The following SOS1 variants were observed in gnomAD, a reference collection of about 807,000 sequenced individuals.
SOS1 encodes SOS Ras/Rac guanine nucleotide exchange factor 1, also known as son of sevenless homolog 1.
Under a neutral mutation model 157.6 loss-of-function variants are expected in SOS1, and 25 were observed. The observed-to-expected ratio is 0.16, with a 90% CI of 0.12 to 0.22. The LOEUF (loss-of-function observed/expected upper bound fraction) is 0.22, where lower values mean the gene tolerates loss of function less well. Ranked by LOEUF, SOS1 falls within the 10% of genes least tolerant of loss-of-function variation. SOS1 has a pLI of 1.00. For synonymous variants in SOS1, 528 were observed against 534.0 expected, an observed-to-expected ratio of 0.99 and a Z score of 0.16; for missense variants, 1,237 against 1,599.1, an observed-to-expected ratio of 0.77 and a Z score of 3.86.
chr2:39,028,126 C>T (rs1196031056), intron 8 of SOS1, among the ~76,000 whole-genome samples: 1 of 152,088 alleles, frequency 6.6e-6, no homozygotes, highest in Non-Finnish European at 1.5e-5. Flanking sequence ...TATTTTAAAG[C>T]AGAATGAAAA....
intron 8 of SOS1, among the ~76,000 whole-genome samples, chr2:39,033,522 T>A (rs557852524): frequency 6.6e-6 from 1 of 152,078 alleles, no homozygotes; most frequent in African/African-American, 2.4e-5. Flanking sequence ...TGGGTTCATT[T>A]GGAGGGGAAG....
chr2:39,007,818 C>T (rs1045002359), intron 15 of SOS1, among the ~76,000 whole-genome samples: 17 of 152,116 alleles, frequency 1.1e-4, no homozygotes, highest in African/African-American at 3.9e-4. Context: ...AACACACATA[C>T]ACACAAACAC....
At chr2:39,092,438 G>C (rs1220270386) in intron 1 of SOS1, among the ~76,000 whole-genome samples, 1 of 152,156 alleles carries the variant, frequency 6.6e-6, no homozygotes, top group Non-Finnish European at 1.5e-5. Context: ...CCTCCTCAGA[G>C]AGGCTGTCCT....
intron 1 of SOS1, among the ~76,000 whole-genome samples, chr2:39,074,738 G>T (rs958092525): frequency 3.3e-5 from 5 of 151,534 alleles, no homozygotes; most frequent in Non-Finnish European, 5.9e-5. Context: ...ATGGTGGCAC[G>T]TGCCTGTAAT....
chr2:39,019,161 C>T (rs1031584601), intron 10 of SOS1, among the ~76,000 whole-genome samples: 1 of 151,718 alleles, frequency 6.6e-6, no homozygotes, highest in Admixed American at 6.6e-5. Flanking sequence ...GAGAAATTCC[C>T]AGGCAAGGGA....
Position 38,982,273 on chromosome 2 carries a change from TTTG to T in SOS1, c.*3548_*3550del, listed in dbSNP as rs1668422969. On this transcript the variant is annotated 3_prime_UTR_variant, in exon 23 of 23. Coordinates refer to ENST00000402219, the MANE Select transcript of SOS1 (RefSeq NM_005633.4). Reference sequence around the variant, plus strand: ...ATTTACTAAACAAGTTACAAGTGCTTTTGTTGTTTAGATTTATAATATAGACTT... The same window carrying T: ...ATTTACTAAACAAGTTACAAGTGCTTTTGTTTAGATTTATAATATAGACTT... 6.6e-6 allele frequency: 1 copy of T among 152,300 alleles called. No individual in the cohort carries two copies. Among genetic ancestry groups the T allele is most frequent in the African/African-American group, 2.4e-5 (1 of 41,572 alleles). 9.4% of individuals were successfully genotyped at this position (152,300 alleles called of 1,614,324 possible).
At chr2:39,032,549 G>A (rs1670198950) in intron 8 of SOS1, among the ~76,000 whole-genome samples, 1 of 152,190 alleles carries the variant, frequency 6.6e-6, no homozygotes, top group African/African-American at 2.4e-5. Flanking sequence ...GCCAGACACT[G>A]TAATAGGTAT....
chr2:38,994,784 G>C (rs1308604052), intron 20 of SOS1, among the ~76,000 whole-genome samples: 1 of 152,086 alleles, frequency 6.6e-6, no homozygotes, highest in Non-Finnish European at 1.5e-5. Context: ...TGAAACATGG[G>C]ACTAAAATTA....
At chr2:39,002,261 G>GT (rs1443297106) in intron 17 of SOS1, among the ~76,000 whole-genome samples, 1 of 152,050 alleles carries the variant, frequency 6.6e-6, no homozygotes, top group African/African-American at 2.4e-5. Context: ...GGAGGCAGAG[G>GT]TTGCAGTGAG....
Position 39,046,356 on chromosome 2 carries a change from G to C in SOS1, c.864+4788C>G, listed in dbSNP as rs143265664. 3.3e-5 allele frequency among the ~76,000 whole-genome samples: 5 copies of C among 152,018 alleles called. No homozygotes were observed. The East Asian group carries it at 7.7e-4, about 24-fold the overall frequency. Reference sequence around the variant, plus strand: ...GTCCACTTTACATACTGTATATTTTGTTACTAATACATAGAAATATAGTTT... The same window carrying C: ...GTCCACTTTACATACTGTATATTTTCTTACTAATACATAGAAATATAGTTT... On this transcript the variant is annotated intron_variant, in intron 6 of 22. Transcript: ENST00000402219.
At chr2:39,064,215 T>C (rs1245040791) in intron 2 of SOS1, among the ~76,000 whole-genome samples, 2 of 152,208 alleles carry the variant, frequency 1.3e-5, no homozygotes, top group Non-Finnish European at 2.9e-5. Context: ...TAGAAGTACA[T>C]ATACACTGTG....
At chr2:39,042,636 C>T (rs1361427307) in intron 6 of SOS1, among the ~76,000 whole-genome samples, 1 of 151,628 alleles carries the variant, frequency 6.6e-6, no homozygotes, top group African/African-American at 2.4e-5. Flanking sequence ...AACTCCTGAC[C>T]TTGTGATCCG....
chr2:39,119,922 G>A (rs1383757071), intron 1 of SOS1, among the ~76,000 whole-genome samples: 1 of 152,140 alleles, frequency 6.6e-6, no homozygotes, highest in Non-Finnish European at 1.5e-5. Flanking sequence ...CTTACGGCCA[G>A]GGCATTCTCA....
At chr2:39,070,102 C>T (rs945902754) in intron 1 of SOS1, among the ~76,000 whole-genome samples, 5 of 152,136 alleles carry the variant, frequency 3.3e-5, no homozygotes, top group East Asian at 1.9e-4. Context: ...CTCTGACTAA[C>T]GTGTGTAGGT....
intron 22 of SOS1, among the ~76,000 whole-genome samples, chr2:38,987,250 C>G (rs1668584231): frequency 6.6e-6 from 1 of 152,132 alleles, no homozygotes; most frequent in African/African-American, 2.4e-5. Flanking sequence ...TGAAAATAAC[C>G]ATAGCCTTAG....
chr2:39,086,252 A>G (rs1299213040), intron 1 of SOS1, among the ~76,000 whole-genome samples: 1 of 152,192 alleles, frequency 6.6e-6, no homozygotes, highest in African/African-American at 2.4e-5. Context: ...AGTGAGAGGG[A>G]TAACATTCTA....
upstream of SOS1, chr2:39,124,198 CA>C (rs1280324864): frequency 2.6e-5 from 4 of 152,380 alleles, no homozygotes; most frequent in East Asian, 5.8e-4. Context: ...TATGTCCATT[CA>C]GCAAGAGAAG....
intron 17 of SOS1, 120 bp from the exon 18 acceptor site, chr2:38,997,545 G>GGCTC: frequency 1.6e-6 from 1 of 623,444 alleles, no homozygotes; most frequent in Non-Finnish European, 2.8e-6. Context: ...AAAGAACCAA[G>GGCTC]GCTCAGATTT....
chr2:39,058,847 A>C (rs1367961999), intron 2 of SOS1, 43 bp from the exon 3 acceptor site: 2 of 1,493,424 alleles, frequency 1.3e-6, no homozygotes, highest in Admixed American at 3.4e-5. Context: ...AAATATATTA[A>C]ATAGTGCTCT....
Sources: gnomAD v4.1 joint callset for allele counts (sites outside exome capture counted in the v4.1 genomes callset) on GRCh38, gnomAD v4.1.1 for gene constraint, MANE v1.5 for transcripts, NCBI Gene and HGNC (gene_info 2026-07-23, HGNC 2026-07-21) for gene names.